ST6GAL2: variants seen among roughly 807,000 people sequenced by gnomAD.
The protein encoded by ST6GAL2 is ST6 beta-galactoside alpha-2,6-sialyltransferase 2, also known as beta-galactoside alpha-2,6-sialyltransferase 2.
A neutral mutation model predicts 37.5 loss-of-function variants in ST6GAL2; 24 were observed. The observed-to-expected ratio is 0.64, with a 90% confidence interval of 0.46 to 0.90. The LOEUF is 0.90. ST6GAL2 is among the 40% of genes least tolerant of loss of function. The pLI, the probability that ST6GAL2 is intolerant of heterozygous loss-of-function variation, is 0.00. For synonymous variants in ST6GAL2, 306 were observed against 295.1 expected (o/e 1.04, Z -0.38); for missense variants, 715 against 712.7 (o/e 1.00, Z -0.04).
chr2:106,843,650 CTT>C lies in ST6GAL2; in HGVS notation c.326_327del (p.Lys109ArgfsTer20). ...WAQSQDGFEH[K>X]EFFSSQVGRK... ...CTCCCCACCTGGGATGAAAAAAACTCTTTATGTTCAAACCCATCTTGGGACTG... is the reference window on the plus strand; with the variant it reads ...CTCCCCACCTGGGATGAAAAAAACTCTATGTTCAAACCCATCTTGGGACTG... On this transcript the variant is annotated frameshift_variant, in exon 2 of 6. Coordinates refer to ENST00000409382, the MANE Select transcript of ST6GAL2 (RefSeq NM_001142351.2). LOFTEE classifies it high-confidence loss of function. 4 of 1,613,674 alleles carry C rather than the reference CTT, an allele frequency of 2.5e-6. No homozygotes were observed. The highest frequency in any genetic ancestry group is 1.7e-5 in the Admixed American group (1 of 60,038).
At chr2:106,871,411 A>G (rs2104617807) in intron 1 of ST6GAL2, among the ~76,000 whole-genome samples, 1 of 152,290 alleles carries the variant, frequency 6.6e-6, no homozygotes. Context: ...TACAAAAAAA[A>G]TGGTTTTCTT....
intron 5 of ST6GAL2, among the ~76,000 whole-genome samples, chr2:106,812,543 G>A (rs958898167): frequency 2.0e-5 from 3 of 152,148 alleles, no homozygotes; most frequent in African/African-American, 4.8e-5. Context: ...AGTGAACCAC[G>A]CTTATCAGTT....
chr2:106,824,646 A>G (rs1266729145), intron 5 of ST6GAL2, among the ~76,000 whole-genome samples: 1 of 152,192 alleles, frequency 6.6e-6, no homozygotes, highest in Non-Finnish European at 1.5e-5. Context: ...CAAACAAACA[A>G]ACAGAAACAT....
At chr2:106,808,703 T>C (rs749772510) in intron 5 of ST6GAL2, among the ~76,000 whole-genome samples, 11 of 152,234 alleles carry the variant, frequency 7.2e-5, no homozygotes, top group Non-Finnish European at 1.3e-4. Context: ...TCCTGATTAG[T>C]AATGACTGCT....
intron 1 of ST6GAL2, among the ~76,000 whole-genome samples, chr2:106,866,514 A>C (rs1028942699): frequency 6.6e-6 from 1 of 152,208 alleles, no homozygotes; most frequent in African/African-American, 2.4e-5. Context: ...GCAGGACTCA[A>C]AACGAGTGCA....
chr2:106,829,318 G>A (rs942591176), intron 5 of ST6GAL2, among the ~76,000 whole-genome samples: 1 of 152,212 alleles, frequency 6.6e-6, no homozygotes, highest in Non-Finnish European at 1.5e-5. Context: ...TAAGAAACTG[G>A]CAGTGGCAGA....
At chr2:106,826,906 G>A (rs1157270826) in intron 5 of ST6GAL2, among the ~76,000 whole-genome samples, 5 of 152,204 alleles carry the variant, frequency 3.3e-5, no homozygotes, top group Admixed American at 2.0e-4. Context: ...TTCACCTCCA[G>A]TGCAGCCCTT....
chr2:106,847,760 T>G (rs1269277556), intron 1 of ST6GAL2, among the ~76,000 whole-genome samples: 1 of 152,174 alleles, frequency 6.6e-6, no homozygotes, highest in Non-Finnish European at 1.5e-5. Context: ...AGTTTTATTG[T>G]AAAGGATGCA....
chr2:106,830,012 T>C (rs1240742942), intron 5 of ST6GAL2, 54 bp downstream of exon 5: 8 of 1,497,050 alleles, frequency 5.3e-6, no homozygotes, highest in Non-Finnish European at 6.5e-6. Context: ...TGTTAAATAT[T>C]AGATATCATC....
intron 2 of ST6GAL2, among the ~76,000 whole-genome samples, chr2:106,841,779 C>T (rs1393527484): frequency 6.6e-6 from 1 of 152,194 alleles, no homozygotes; most frequent in Non-Finnish European, 1.5e-5. Flanking sequence ...GCAGAACCTA[C>T]ACCACTCTGC....
intron 1 of ST6GAL2, among the ~76,000 whole-genome samples, chr2:106,857,111 C>T (rs72933015): frequency 2.6e-5 from 4 of 152,202 alleles, no homozygotes; most frequent in East Asian, 1.9e-4. Flanking sequence ...AGAGTAGTAT[C>T]GACATTACTT....
At chr2:106,861,337 T>C (rs185081538) in intron 1 of ST6GAL2, among the ~76,000 whole-genome samples, 60 of 152,326 alleles carry the variant, frequency 3.9e-4, no homozygotes, top group Admixed American at 1.1e-3. Context: ...TAGAAATCTC[T>C]TTCTCCCAAT....
At chr2:106,878,550 C>T (rs1678604205) in intron 1 of ST6GAL2, among the ~76,000 whole-genome samples, 1 of 152,004 alleles carries the variant, frequency 6.6e-6, no homozygotes. Context: ...TCACTTGAGT[C>T]CAGGAATTCA....
intron 1 of ST6GAL2, among the ~76,000 whole-genome samples, chr2:106,869,685 A>G (rs1678181194): frequency 6.6e-6 from 1 of 152,182 alleles, no homozygotes; most frequent in African/African-American, 2.4e-5. Context: ...GTTTGTTTTT[A>G]AGCTCTTCTC....
intron 1 of ST6GAL2, among the ~76,000 whole-genome samples, chr2:106,873,965 C>T (rs1678387356): frequency 6.6e-6 from 1 of 152,196 alleles, no homozygotes; most frequent in Non-Finnish European, 1.5e-5. Context: ...ATCCAACCTA[C>T]TCTCTTTTGT....
chr2:106,866,781 C>T (rs1486099590), intron 1 of ST6GAL2, among the ~76,000 whole-genome samples: 6 of 152,120 alleles, frequency 3.9e-5, no homozygotes, highest in Non-Finnish European at 7.3e-5. Context: ...TGGTAAAACA[C>T]GCATGTATCA....
intron 1 of ST6GAL2, among the ~76,000 whole-genome samples, chr2:106,878,986 G>A (rs72933067): frequency 0.022 from 3,407 of 152,218 alleles, 73 homozygotes; most frequent in African/African-American, 0.053. Context: ...TTATACTCAT[G>A]GGCTTCCAAA....
chr2:106,838,906 C>T (rs139981661), intron 2 of ST6GAL2, among the ~76,000 whole-genome samples: 7,087 of 151,938 alleles, frequency 0.047, 462 homozygotes, highest in African/African-American at 0.14. Flanking sequence ...TATGGTGGCG[C>T]GTGCCTGTAA....
chr2:106,843,643 A>G lies in ST6GAL2; in HGVS notation c.335T>C (p.Phe112Ser). Reference protein sequence around the residue: ...SQDGFEHKEFFSSQVGRKSQS... With the variant: ...SQDGFEHKEFSSSQVGRKSQS... Reference sequence around the variant, plus strand: ...AGATTTTCTCCCCACCTGGGATGAAAAAAACTCTTTATGTTCAAACCCATC... The same window carrying G: ...AGATTTTCTCCCCACCTGGGATGAAGAAAACTCTTTATGTTCAAACCCATC... The change falls in exon 2 of 6, where the codon TTT becomes TCT. Residue 112 changes from phenylalanine (F) to serine (S), a missense_variant. Transcript: ENST00000409382. 6.2e-7 allele frequency: 1 copy of G among 1,613,754 alleles called. No individual in the cohort carries two copies. The highest frequency in any genetic ancestry group is 8.5e-7 in the Non-Finnish European group (1 of 1,180,034).
Sources: gnomAD v4.1 joint callset for allele counts (sites outside exome capture counted in the v4.1 genomes callset) on GRCh38, gnomAD v4.1.1 for gene constraint, MANE v1.5 for transcripts, NCBI Gene and HGNC (gene_info 2026-07-23, HGNC 2026-07-21) for gene names.